Variants in FRA10AC1 observed in about 807,000 individuals in gnomAD.
FRA10AC1 encodes the protein FRA10A associated CGG repeat 1, also known as protein FRA10AC1.
In FRA10AC1, 43 loss-of-function variants were observed where a neutral mutation model predicts 56.5. The observed-to-expected ratio is 0.76, with a 90% CI of 0.60 to 0.98. The LOEUF is 0.98. Ranked by LOEUF, FRA10AC1 falls within the 50% of genes least tolerant of loss-of-function variation. The pLI is 0.00. For missense variants in FRA10AC1, 346 were observed against 351.8 expected, an observed-to-expected ratio of 0.98 and a Z score of 0.13; for synonymous variants, 112 against 110.5, an observed-to-expected ratio of 1.01 and a Z score of -0.09.
chr10:93,702,272 CCAAAA>C (rs1409109479), intron 1 of FRA10AC1, 98 bp downstream of exon 1: 1 of 151,420 alleles, frequency 6.6e-6, no homozygotes, highest in Non-Finnish European at 1.5e-5. Flanking sequence ...AAAAACCAAA[CCAAAA>C]CAAAAAAAAA....
In FRA10AC1 at chr10:93,668,720, T is replaced by A. The variant is rs2058716276; in HGVS notation, c.*1106A>T. 3 of 152,300 alleles carry A rather than the reference T, an allele frequency of 2.0e-5. No individual in the cohort carries two copies. Among genetic ancestry groups the A allele is most frequent in the African/African-American group, 7.2e-5 (3 of 41,428 alleles). The allele number at this position is 152,300 out of a possible 1,614,324, so 9.4% of individuals were successfully genotyped here. ...AAAGCAGAAGCCCCTGATAAAACCA[T>A]CAGATCTTGTGAGACTTATTCACTA... On this transcript the variant is annotated 3_prime_UTR_variant, in exon 14 of 14. Coordinates refer to ENST00000359204, the MANE Select transcript of FRA10AC1 (RefSeq NM_145246.5).
chr10:93,681,717 ATAT>A, intron 10 of FRA10AC1, 119 bp from the exon 11 acceptor site: 1 of 899,772 alleles, frequency 1.1e-6, no homozygotes, highest in Non-Finnish European at 1.5e-6. Flanking sequence ...AATGTGATTT[ATAT>A]AATAAGGAAC....
intron 10 of FRA10AC1, among the ~76,000 whole-genome samples, chr10:93,683,139 T>C (rs1479754566): frequency 5.3e-5 from 8 of 152,188 alleles, no homozygotes; most frequent in African/African-American, 1.7e-4. Flanking sequence ...CTTTCATTTA[T>C]TCCCCACAAT....
At position 93,669,405 on chromosome 10, in the gene FRA10AC1, C is replaced by T. The variant is rs4919398; in HGVS notation, c.*421G>A. On this transcript the variant is annotated 3_prime_UTR_variant, in exon 14 of 14. Coordinates refer to ENST00000359204, the MANE Select transcript of FRA10AC1 (RefSeq NM_145246.5). ...GGGCAACACAGGAGGACTCCGTTTC[C>T]ACAAAAGAAAAAAATGAAAAACAAA... 129,825 of 153,906 alleles carry T rather than the reference C, an allele frequency of 0.84. 55,281 individuals are homozygous for T. The highest frequency in any genetic ancestry group is 0.96 in the African/African-American group (39,837 of 41,534). The allele number at this position is 153,906 out of a possible 1,614,324, so 9.5% of individuals were successfully genotyped here. A position where few individuals can be genotyped will look rare whatever the true frequency, so the allele number is the denominator to read the frequency against.
At chr10:93,685,532 G>T in intron 8 of FRA10AC1, 173 bp from the exon 9 acceptor site, 4 of 405,198 alleles carry the variant, frequency 9.9e-6, no homozygotes, top group Admixed American at 5.3e-5. Flanking sequence ...TCAAATCAAA[G>T]TACTGTTACC....
intron 4 of FRA10AC1, among the ~76,000 whole-genome samples, chr10:93,695,769 C>T (rs928902181): frequency 4.0e-5 from 6 of 151,794 alleles, no homozygotes; most frequent in African/African-American, 1.5e-4. Flanking sequence ...AAACCAAATA[C>T]CTGGAGATCT....
In FRA10AC1 at chr10:93,681,597, T is replaced by C; in HGVS notation, c.670A>G (p.Arg224Gly). The change falls in exon 11 of 14, where the codon AGA becomes GGA. Residue 224 changes from arginine to glycine, a missense_variant and splice_region_variant. Physicochemically the swap from Arg to Gly is moderately radical, Grantham distance 125. Coordinates refer to ENST00000359204, the MANE Select transcript of FRA10AC1 (RefSeq NM_145246.5). ...CSIKLNFHHR[R>G]KEIKSKKRKD... ...CTTTTTTTTGACTTGATTTCTTTTC[T>C]CCTTTGTGTTAAACAATATAAAATT... is the stretch of plus-strand genomic sequence containing the variant. 1 of 1,515,138 alleles carries C rather than the reference T, an allele frequency of 6.6e-7. No homozygotes were observed. Among genetic ancestry groups the C allele is most frequent in the African/African-American group, 1.4e-5 (1 of 70,026 alleles). 93.9% of individuals were successfully genotyped at this position (1,515,138 alleles called of 1,614,324 possible).
chr10:93,691,893 A>G, intron 7 of FRA10AC1, 116 bp downstream of exon 7: 1 of 1,132,026 alleles, frequency 8.8e-7, no homozygotes, highest in Non-Finnish European at 1.2e-6. Flanking sequence ...TAAACGCAGG[A>G]CAACTGAGTC....
rs531615268 is a variant in FRA10AC1, at chr10:93,678,893, T to C, written c.788-2202A>G. ...ATTAGCTAAAGAGAGGCCAGAAAGA[T>C]AGAAATAAAATTAAAGGAAGTTGTC... On this transcript the variant is annotated intron_variant, in intron 11 of 13. Transcript: ENST00000359204. Among the ~76,000 whole-genome samples the C allele has an allele frequency of 2.0e-5, 3 of 149,260 alleles. No homozygotes were observed. The East Asian group carries it at 5.9e-4, about 29-fold the overall frequency.
At chr10:93,681,733 T>C in intron 10 of FRA10AC1, 135 bp from the exon 11 acceptor site, 1 of 717,532 alleles carries the variant, frequency 1.4e-6, no homozygotes, top group East Asian at 3.4e-5. Context: ...TAAGGAACGT[T>C]AAGTGAGACT....
In FRA10AC1 at chr10:93,672,489, G is replaced by C. The variant is rs112912904; in HGVS notation, c.827-1641C>G. On this transcript the variant is annotated intron_variant, in intron 12 of 13. Coordinates refer to ENST00000359204, the MANE Select transcript of FRA10AC1 (RefSeq NM_145246.5). ...ATTAATATGAGATAAAGAAAGCAGA[G>C]AAAAATTAATTAGGCCTAGCAAGGT... 496 of 154,262 alleles carry C rather than the reference G, an allele frequency of 3.2e-3. 4 individuals are homozygous for C. The highest frequency in any genetic ancestry group is 0.012 in the African/African-American group (486 of 41,560). The allele number at this position is 154,262 out of a possible 1,614,324, so 9.6% of individuals were successfully genotyped here.
chr10:93,691,194 A>G (rs1239058886), intron 7 of FRA10AC1, among the ~76,000 whole-genome samples: 3 of 152,050 alleles, frequency 2.0e-5, no homozygotes, highest in Non-Finnish European at 1.5e-5. Context: ...GTAACTTTCT[A>G]TTTTTTAGAG....
At chr10:93,687,524 G>A (rs1037448677) in intron 7 of FRA10AC1, 75 bp from the exon 8 acceptor site, 2 of 1,277,856 alleles carry the variant, frequency 1.6e-6, no homozygotes, top group Non-Finnish European at 2.1e-6. Context: ...AGCCAACAAT[G>A]ACATTCACCA....
chr10:93,696,055 G>A (rs1403049473), intron 4 of FRA10AC1, among the ~76,000 whole-genome samples: 1 of 152,196 alleles, frequency 6.6e-6, no homozygotes, highest in African/African-American at 2.4e-5. Flanking sequence ...CGGGAAGATG[G>A]AGTAGGCAAA....
chr10:93,670,344 T>C (rs752105967), intron 13 of FRA10AC1, among the ~76,000 whole-genome samples: 1 of 152,192 alleles, frequency 6.6e-6, no homozygotes, highest in Non-Finnish European at 1.5e-5. Flanking sequence ...CTGAGCATAG[T>C]AAATATATTA....
rs985564983 is a variant in FRA10AC1 at position 93,701,678 on chromosome 10, G to T, written c.-1+697C>A. On this transcript the variant is annotated intron_variant, in intron 1 of 13. Transcript: ENST00000359204. ...ACATCTGTTATTGCCTTACACACCTGGATTTTACACCCTTTTTTAGGTCAA... is the reference window on the plus strand; with the variant it reads ...ACATCTGTTATTGCCTTACACACCTTGATTTTACACCCTTTTTTAGGTCAA... 2.1e-4 allele frequency among the ~76,000 whole-genome samples: 32 copies of T among 152,060 alleles called. 1 individual carries two copies. The highest frequency in any genetic ancestry group is 5.2e-4 in the Admixed American group (8 of 15,264).
At chr10:93,694,134 T>C (rs1002314864) in intron 5 of FRA10AC1, among the ~76,000 whole-genome samples, 2 of 152,076 alleles carry the variant, frequency 1.3e-5, no homozygotes, top group African/African-American at 2.4e-5. Flanking sequence ...CAAGTTCTGA[T>C]AGAAGAGCCT....
At chr10:93,698,779 A>G (rs559520484) in intron 2 of FRA10AC1, among the ~76,000 whole-genome samples, 6 of 151,102 alleles carry the variant, frequency 4.0e-5, no homozygotes, top group African/African-American at 1.2e-4. Flanking sequence ...TGATACACAA[A>G]AAGCAAGGCT....
intron 5 of FRA10AC1, among the ~76,000 whole-genome samples, chr10:93,694,180 T>A (rs1254255410): frequency 6.6e-6 from 1 of 152,184 alleles, no homozygotes; most frequent in African/African-American, 2.4e-5. Flanking sequence ...CAAGAAATGC[T>A]AGACTGAGAG....
Sources: gnomAD v4.1 joint callset for allele counts (sites outside exome capture counted in the v4.1 genomes callset) on GRCh38, gnomAD v4.1.1 for gene constraint, MANE v1.5 for transcripts, NCBI Gene and HGNC (gene_info 2026-07-23, HGNC 2026-07-21) for gene names.